Variants in NCOA4 observed in about 807,000 individuals in gnomAD.
NCOA4 encodes the protein 70 kDa AR-activator.
Under a neutral mutation model 69.5 loss-of-function variants are expected in NCOA4, and 31 were observed. That is an observed-to-expected ratio of 0.45 (90% CI 0.34 to 0.60). NCOA4 has a LOEUF of 0.60. NCOA4 is among the 20% of genes least tolerant of loss of function. The pLI, the probability that NCOA4 is intolerant of heterozygous loss-of-function variation, is 0.02. For missense variants in NCOA4, 600 were observed against 719.2 expected, an observed-to-expected ratio of 0.83 and a Z score of 1.90; for synonymous variants, 228 against 252.4, an observed-to-expected ratio of 0.90 and a Z score of 0.92.
intron 1 of NCOA4, among the ~76,000 whole-genome samples, chr10:46,017,402 A>G (rs1249179849): frequency 1.3e-5 from 2 of 152,068 alleles, no homozygotes; most frequent in African/African-American, 4.8e-5. Flanking sequence ...AAAATTAGCC[A>G]CATGTGGTGG....
At chr10:46,007,163 G>A (rs2132305742) in intron 9 of NCOA4, among the ~76,000 whole-genome samples, 1 of 152,280 alleles carries the variant, frequency 6.6e-6, no homozygotes, top group East Asian at 1.9e-4. Context: ...AAAGCAAACA[G>A]CCTTATTTCT....
chr10:46,014,872 A>G lies in NCOA4; in HGVS notation c.353T>C (p.Val118Ala). Residue 118 changes from valine to alanine, a missense_variant, in exon 4 of 10, where the codon GTC becomes GCC. Physicochemically the swap from Val to Ala is moderately conservative, Grantham distance 64. Transcript: ENST00000581486. ...CTQNKDLANQ[V>A]SVCLERLGSL... ...TCATTACCTCTCCAGGCACACAGAG[A>G]CTTGATTGGCTAGATCTTTGTTTTG... 6.2e-7 allele frequency: 1 copy of G among 1,614,028 alleles called. No homozygotes were observed. The highest frequency in any genetic ancestry group is 8.5e-7 in the Non-Finnish European group (1 of 1,179,890).
chr10:46,011,699 T>TA (rs1839215160), intron 7 of NCOA4, among the ~76,000 whole-genome samples: 2 of 151,932 alleles, frequency 1.3e-5, no homozygotes, highest in African/African-American at 4.8e-5. Flanking sequence ...CCTTTACAAA[T>TA]AAAGCACAAA....
chr10:46,019,507 A>G, intron 1 of NCOA4: 1 of 985,464 alleles, frequency 1.0e-6, no homozygotes, highest in South Asian at 4.7e-5. Context: ...GGAATGCCAC[A>G]ATGCCTGGCA....
chr10:46,012,767 AAATAT>A, intron 7 of NCOA4, 111 bp downstream of exon 7: 1 of 997,192 alleles, frequency 1.0e-6, no homozygotes, highest in Middle Eastern at 3.5e-4. Flanking sequence ...GACTATTAAT[AAATAT>A]GTTTCCAGAC....
At chr10:46,020,036 G>T (rs1839785828) in intron 1 of NCOA4, among the ~76,000 whole-genome samples, 1 of 152,196 alleles carries the variant, frequency 6.6e-6, no homozygotes, top group South Asian at 2.1e-4. Context: ...CTTGCACTGT[G>T]ATGAAGAGGA....
At chr10:46,025,641 T>TTC (rs1228017860) in intron 1 of NCOA4, among the ~76,000 whole-genome samples, 1 of 152,204 alleles carries the variant, frequency 6.6e-6, no homozygotes. Flanking sequence ...GTCTCTCCTC[T>TTC]TCTCCCTACC....
At chr10:46,016,978 C>A (rs1206799329) in intron 1 of NCOA4, among the ~76,000 whole-genome samples, 2 of 152,184 alleles carry the variant, frequency 1.3e-5, no homozygotes, top group Non-Finnish European at 2.9e-5. Context: ...AAAGAGCATA[C>A]AGTGTCCTGA....
At chr10:46,008,390 C>T (rs1435074144) in intron 9 of NCOA4, among the ~76,000 whole-genome samples, 1 of 152,170 alleles carries the variant, frequency 6.6e-6, no homozygotes, top group Non-Finnish European at 1.5e-5. Context: ...TTGGAAGAAA[C>T]GGATTCCCAC....
chr10:46,005,567 A>C lies in NCOA4; in HGVS notation c.*1025T>G, dbSNP rs1484051554. 4.5e-6 allele frequency: 1 copy of C among 221,196 alleles called. No homozygotes were observed. The highest frequency in any genetic ancestry group is 2.2e-5 in the African/African-American group (1 of 44,652). 13.7% of individuals were successfully genotyped at this position (221,196 alleles called of 1,614,324 possible). A position where few individuals can be genotyped will look rare whatever the true frequency, so the allele number is the denominator to read the frequency against. On this transcript the variant is annotated 3_prime_UTR_variant, in exon 10 of 10. Transcript: ENST00000581486. Reference sequence around the variant, plus strand: ...GTAACTTTAAGGAGACTGAGAAAACATCAGTAGTTTTCACAAAGCTTCAAT... The same window carrying C: ...GTAACTTTAAGGAGACTGAGAAAACCTCAGTAGTTTTCACAAAGCTTCAAT...
intron 1 of NCOA4, chr10:46,023,502 G>T (rs190192819): frequency 4.1e-6 from 4 of 985,558 alleles, no homozygotes; most frequent in Non-Finnish European, 4.8e-6. Flanking sequence ...CAAGGGCGGG[G>T]AGGAGCGGAA....
At chr10:46,022,948 A>G (rs1839971186) in intron 1 of NCOA4, among the ~76,000 whole-genome samples, 1 of 152,212 alleles carries the variant, frequency 6.6e-6, no homozygotes, top group Admixed American at 6.5e-5. Flanking sequence ...ATAAGATAAT[A>G]ATAAATTCAC....
intron 8 of NCOA4, among the ~76,000 whole-genome samples, 187 bp from the exon 9 acceptor site, chr10:46,009,738 A>ATTC (rs531363862): frequency 5.3e-5 from 8 of 152,236 alleles, no homozygotes; most frequent in Admixed American, 2.6e-4. Context: ...AACAGGCTAG[A>ATTC]TTCTTTTCTT....
intron 1 of NCOA4, among the ~76,000 whole-genome samples, chr10:46,021,466 C>G (rs1839864303): frequency 6.6e-6 from 1 of 152,204 alleles, no homozygotes; most frequent in Admixed American, 6.5e-5. Context: ...CCTGGGTTCT[C>G]TCTCCCAGAT....
intron 5 of NCOA4, 108 bp from the exon 6 acceptor site, chr10:46,013,747 A>ATAC (rs1590160370): frequency 1.4e-6 from 1 of 700,196 alleles, no homozygotes; most frequent in East Asian, 2.7e-5. Flanking sequence ...TTCATTAGAA[A>ATAC]TACTGTTCAC....
intron 7 of NCOA4, among the ~76,000 whole-genome samples, chr10:46,011,536 A>C (rs1839205908): frequency 1.3e-5 from 2 of 151,268 alleles, no homozygotes; most frequent in Non-Finnish European, 3.0e-5. Context: ...CAGCCTCCCA[A>C]AGTACTGGGA....
chr10:46,029,355 A>C (rs1840333683), intron 1 of NCOA4, among the ~76,000 whole-genome samples: 1 of 152,148 alleles, frequency 6.6e-6, no homozygotes, highest in African/African-American at 2.4e-5. Flanking sequence ...CAAATCTGCA[A>C]GCTAGCAAAT....
At chr10:46,026,760 G>A (rs1840172197) in intron 1 of NCOA4, among the ~76,000 whole-genome samples, 1 of 152,116 alleles carries the variant, frequency 6.6e-6, no homozygotes, top group Admixed American at 6.5e-5. Flanking sequence ...TCTCACCCAT[G>A]ACCAAACTGA....
At chr10:46,013,833 T>C (rs1839373217) in intron 5 of NCOA4, among the ~76,000 whole-genome samples, 194 bp from the exon 6 acceptor site, 1 of 152,212 alleles carries the variant, frequency 6.6e-6, no homozygotes, top group Admixed American at 6.5e-5. Flanking sequence ...TAAAAAATCT[T>C]TACCAGAATT....
Sources: allele counts gnomAD v4.1 joint callset (sites outside exome capture counted in the v4.1 genomes callset), GRCh38; gene constraint gnomAD v4.1.1; transcripts MANE v1.5; gene names NCBI Gene and HGNC (gene_info 2026-07-23, HGNC 2026-07-21).